MOK: variants seen among roughly 807,000 people sequenced by gnomAD.
MOK encodes the protein MAPK/MAK/MRK overlapping kinase.
A neutral mutation model predicts 54.2 loss-of-function variants in MOK; 59 were observed. The ratio of observed to expected loss-of-function variants is 1.09; its 90% CI spans 0.88 to 1.35. The LOEUF (loss-of-function observed/expected upper bound fraction) is 1.35. MOK is among the 40% of genes most tolerant of loss of function. MOK has a pLI of 0.00. For synonymous variants in MOK, 210 were observed against 202.7 expected (o/e 1.04, Z -0.31); for missense variants, 517 against 526.2 (o/e 0.98, Z 0.17).
chr14:102,266,606 G>A (rs1452055018), intron 2 of MOK, among the ~76,000 whole-genome samples: 2 of 151,510 alleles, frequency 1.3e-5, no homozygotes, highest in South Asian at 2.1e-4. Context: ...TTTTGAAACG[G>A]AGTTTCTCTC....
intron 4 of MOK, among the ~76,000 whole-genome samples, chr14:102,257,172 C>A (rs954469): frequency 8.8e-4 from 134 of 151,708 alleles, no homozygotes; most frequent in Middle Eastern, 3.4e-3. Flanking sequence ...CCAGATGTGA[C>A]TTAGGCTCTG....
chr14:102,228,576 C>T (rs544489270), downstream of MOK, among the ~76,000 whole-genome samples: 19 of 151,672 alleles, frequency 1.3e-4, no homozygotes, highest in East Asian at 2.3e-3. Context: ...GGTGCATGCA[C>T]GTAATCCCAG....
chr14:102,255,126 T>C (rs930699327), intron 4 of MOK, among the ~76,000 whole-genome samples: 6 of 152,108 alleles, frequency 3.9e-5, no homozygotes, highest in Non-Finnish European at 8.8e-5. Context: ...GAGACCATCC[T>C]GGCTAACACG....
chr14:102,226,196 C>T (rs1170318640), downstream of MOK: 3 of 612,312 alleles, frequency 4.9e-6, no homozygotes, highest in East Asian at 8.3e-5. The surrounding 1 kb of genome is among the most constrained non-coding windows in gnomAD (Gnocchi z 4.8). Flanking sequence ...CCTGCCCCCG[C>T]CAGTGTGGGG....
At chr14:102,295,505 C>T (rs1020184562) in intron 1 of MOK, among the ~76,000 whole-genome samples, 1 of 152,138 alleles carries the variant, frequency 6.6e-6, no homozygotes, top group Non-Finnish European at 1.5e-5. Flanking sequence ...GGGGCTTCAC[C>T]AGTAGAGGGA....
chr14:102,221,063 C>T (rs1204103240), downstream of MOK, among the ~76,000 whole-genome samples: 4 of 152,250 alleles, frequency 2.6e-5, no homozygotes, highest in South Asian at 4.1e-4. This position sits in a 1 kb window ranked among gnomAD's most constrained non-coding sequence, Gnocchi z 4.8. Context: ...AGTTGTTAAA[C>T]GTGCTCCCGG....
intron 1 of MOK, among the ~76,000 whole-genome samples, chr14:102,297,804 G>A (rs57118461): frequency 0.021 from 3,161 of 152,294 alleles, 123 homozygotes; most frequent in African/African-American, 0.073. Flanking sequence ...TGCTGGCCCC[G>A]GGCAGTGACG....
the MOK span, among the ~76,000 whole-genome samples, chr14:102,219,445 C>T: frequency 9.8e-5 from 15 of 152,370 alleles, no homozygotes; most frequent in African/African-American, 2.9e-4. Context: ...CTGATGCCAA[C>T]GCAGGGCCAC....
chr14:102,272,357 A>G (rs1207533247), intron 2 of MOK, among the ~76,000 whole-genome samples: 2 of 152,154 alleles, frequency 1.3e-5, no homozygotes, highest in African/African-American at 4.8e-5. Flanking sequence ...GCATGGTGGC[A>G]CGCGCCTGTA....
intron 7 of MOK, among the ~76,000 whole-genome samples, chr14:102,246,589 A>G (rs1446149118): frequency 6.6e-6 from 1 of 152,116 alleles, no homozygotes; most frequent in Non-Finnish European, 1.5e-5. Context: ...ACCCCTGCTC[A>G]GCCTATAACT....
chr14:102,292,343 G>C (rs2070850247), intron 1 of MOK, among the ~76,000 whole-genome samples: 1 of 151,898 alleles, frequency 6.6e-6, no homozygotes. Context: ...CATGGTGGCA[G>C]ACAGCTGTAG....
chr14:102,263,899 A>G, intron 3 of MOK: 1 of 264,652 alleles, frequency 3.8e-6, no homozygotes, highest in Non-Finnish European at 7.1e-6. Context: ...AAGAAGAAAA[A>G]GGTTGGGGAG....
chr14:102,298,595 C>T (rs2071728729), intron 1 of MOK, among the ~76,000 whole-genome samples: 1 of 152,124 alleles, frequency 6.6e-6, no homozygotes, highest in Non-Finnish European at 1.5e-5. Flanking sequence ...CAAAACGGAC[C>T]AATCAGCTCT....
rs778060964 is a variant in MOK at position 102,231,699 on chromosome 14, CT to C, written c.981+7del. 1.1e-5 allele frequency: 17 copies of C among 1,609,108 alleles called. No homozygotes were observed. The East Asian group carries it at 3.8e-4, about 36-fold the overall frequency. On this transcript the variant is annotated splice_region_variant and intron_variant, in intron 10 of 11. Coordinates refer to ENST00000361847, the MANE Select transcript of MOK (RefSeq NM_014226.3). This position sits in a 1 kb window ranked among gnomAD's most constrained non-coding sequence, Gnocchi z 4.4. ...TAGGCAGTCTCCGGCTCCGATTTCG[CT>C]TAGTACCTGCTTTCTGCCCTCCTTG...
At chr14:102,224,786 G>GT (rs1446855682), downstream of MOK, 1 of 456,110 alleles carries the variant, frequency 2.2e-6, no homozygotes, top group Non-Finnish European at 4.4e-6. Flanking sequence ...GAACTATGGA[G>GT]TGAGTCTTCT....
In MOK at chr14:102,245,682, T is replaced by G. The variant is rs994467081; in HGVS notation, c.590+5130A>C. 6.6e-6 allele frequency among the ~76,000 whole-genome samples: 1 copy of G among 152,078 alleles called. No homozygotes were observed. Among genetic ancestry groups the G allele is most frequent in the East Asian group, 1.9e-4 (1 of 5,184 alleles). On this transcript the variant is annotated intron_variant, in intron 7 of 11. Coordinates refer to ENST00000361847, the MANE Select transcript of MOK (RefSeq NM_014226.3). The surrounding 1 kb of genome is among the most constrained non-coding windows in gnomAD (Gnocchi z 4.3). ...CCCTTCGATGATTCTCTTTTCGGACTCAGCCCGCCTGCACCCAGGTGAAAT... is the reference window on the plus strand; with the variant it reads ...CCCTTCGATGATTCTCTTTTCGGACGCAGCCCGCCTGCACCCAGGTGAAAT...
chr14:102,224,948 G>C, downstream of MOK: 2 of 381,230 alleles, frequency 5.2e-6, no homozygotes, highest in Non-Finnish European at 1.0e-5. Context: ...TTAAAGTGTT[G>C]ATTGCTAGGT....
chr14:102,251,740 A>C lies in MOK; in HGVS notation c.411+16T>G, dbSNP rs769287792. The stretch of plus-strand genomic sequence containing the variant: ...GCTTTTATTCTGATACCCAGCTTTC[A>C]TGTAAAAGCTCTTACCTTTATTAGT... On this transcript the variant is annotated intron_variant, in intron 6 of 11. Coordinates refer to ENST00000361847, the MANE Select transcript of MOK (RefSeq NM_014226.3). 6.4e-7 allele frequency: 1 copy of C among 1,554,308 alleles called. No individual in the cohort carries two copies. The highest frequency in any genetic ancestry group is 8.9e-7 in the Non-Finnish European group (1 of 1,128,594).
chr14:102,215,198 C>T, the MOK span, among the ~76,000 whole-genome samples: 1 of 152,240 alleles, frequency 6.6e-6, no homozygotes, highest in African/African-American at 2.4e-5. Context: ...ATGAAATGTT[C>T]TGCGTCTCAG....
Sources: gnomAD v4.1 joint callset for allele counts (sites outside exome capture counted in the v4.1 genomes callset) on GRCh38, gnomAD v4.1.1 for gene constraint, Gnocchi (gnomAD v3.1) non-coding constraint, MANE v1.5 for transcripts, NCBI Gene and HGNC (gene_info 2026-07-23, HGNC 2026-07-21) for gene names.